BTBD9: variants seen among roughly 807,000 people sequenced by gnomAD.
BTBD9 encodes the protein BTB/POZ domain-containing protein 9.
BTBD9 carries 49 observed loss-of-function variants against 64.3 expected under a neutral mutation model. The ratio of observed to expected loss-of-function variants is 0.76; its 90% CI spans 0.61 to 0.97. The LOEUF is 0.97. Among genes scored for constraint, BTBD9 ranks in the 50% least tolerant of loss-of-function variants. The pLI, the probability that BTBD9 is intolerant of heterozygous loss-of-function variation, is 0.00. For synonymous variants in BTBD9, 260 were observed against 274.7 expected (o/e 0.95, Z 0.53); for missense variants, 598 against 762.1 (o/e 0.78, Z 2.53).
At chr6:38,334,421 G>A (rs1011306884) in intron 7 of BTBD9, among the ~76,000 whole-genome samples, 2 of 152,122 alleles carry the variant, frequency 1.3e-5, no homozygotes, top group Admixed American at 6.5e-5. Flanking sequence ...TTAGCCAGGC[G>A]TGGTGGTGCA....
In BTBD9 at chr6:38,280,299, A is replaced by T. The variant is rs1443300699; in HGVS notation, c.1454+7973T>A. On this transcript the variant is annotated intron_variant, in intron 8 of 10. Coordinates refer to ENST00000481247, the MANE Select transcript of BTBD9 (RefSeq NM_001099272.2). Reference sequence around the variant, plus strand: ...TTGCTGTATGATTTTTCTGGGAACCAGAGCTCTGAGGTCTGAGGGTGATAA... The same window carrying T: ...TTGCTGTATGATTTTTCTGGGAACCTGAGCTCTGAGGTCTGAGGGTGATAA... Among the ~76,000 whole-genome samples the T allele has an allele frequency of 7.9e-5, 12 of 152,306 alleles. No homozygotes were observed. In the East Asian group the frequency reaches 1.9e-3, roughly 24 times the overall value.
intron 6 of BTBD9, among the ~76,000 whole-genome samples, chr6:38,470,449 T>C (rs1230460499): frequency 6.6e-6 from 1 of 152,220 alleles, no homozygotes; most frequent in Non-Finnish European, 1.5e-5. Flanking sequence ...GACTGGATTA[T>C]AACTCAGGGA....
chr6:38,328,564 CGTGTGTGTGT>C (rs201357884), intron 7 of BTBD9, among the ~76,000 whole-genome samples: 1,561 of 130,472 alleles, frequency 0.012, 18 homozygotes, highest in African/African-American at 0.031. Flanking sequence ...TTTAAGCCAC[CGTGTGTGTGT>C]GTGTGTGTGT....
At chr6:38,271,462 T>TA (rs1765192760) in intron 8 of BTBD9, among the ~76,000 whole-genome samples, 1 of 152,226 alleles carries the variant, frequency 6.6e-6, no homozygotes, top group Admixed American at 6.5e-5. Context: ...ACTTCACTTT[T>TA]ACCTGTATGG....
intron 6 of BTBD9, among the ~76,000 whole-genome samples, chr6:38,554,198 A>G (rs1245708666): frequency 6.6e-6 from 1 of 152,208 alleles, no homozygotes; most frequent in Non-Finnish European, 1.5e-5. Context: ...GTCACACATC[A>G]TACTTTTGAG....
intron 10 of BTBD9, among the ~76,000 whole-genome samples, chr6:38,186,811 CCTGT>C (rs1462290649): frequency 1.3e-5 from 2 of 152,116 alleles, no homozygotes; most frequent in African/African-American, 2.4e-5. Flanking sequence ...GAGCAGAAAC[CCTGT>C]CTTTCTGAAT....
At chr6:38,357,426 C>T (rs550841008) in intron 6 of BTBD9, among the ~76,000 whole-genome samples, 9 of 152,138 alleles carry the variant, frequency 5.9e-5, no homozygotes, top group Admixed American at 5.9e-4. Flanking sequence ...AAAAGAAAAT[C>T]TCTTTACTGT....
At chr6:38,284,032 A>T (rs1214598161) in intron 8 of BTBD9, among the ~76,000 whole-genome samples, 1 of 152,222 alleles carries the variant, frequency 6.6e-6, no homozygotes, top group Non-Finnish European at 1.5e-5. Flanking sequence ...TGTCACAAGC[A>T]TTGGTGGCTA....
intron 7 of BTBD9, among the ~76,000 whole-genome samples, chr6:38,302,485 G>GTATATGTA (rs1554137023): frequency 1.9e-5 from 2 of 106,892 alleles, no homozygotes; most frequent in African/African-American, 3.5e-5. Flanking sequence ...TTGTGTGTAT[G>GTATATGTA]TATATATATA....
intron 6 of BTBD9, chr6:38,402,904 C>A: frequency 2.9e-6 from 2 of 687,050 alleles, no homozygotes; most frequent in Non-Finnish European, 5.3e-6. Flanking sequence ...TCCATCTCCA[C>A]TAAAATTAGA....
Position 38,395,291 on chromosome 6 carries a change from C to A in BTBD9, c.1155-50198G>T, listed in dbSNP as rs897715642. Reference sequence around the variant, plus strand: ...ACAAAAAAAAAATTTTTTTAATTAACAGGGCATGTTGGTTTGCACCTATAG... The same window carrying A: ...ACAAAAAAAAAATTTTTTTAATTAAAAGGGCATGTTGGTTTGCACCTATAG... On this transcript the variant is annotated intron_variant, in intron 6 of 10. Coordinates refer to ENST00000481247, the MANE Select transcript of BTBD9 (RefSeq NM_001099272.2). Among the ~76,000 whole-genome samples the A allele has an allele frequency of 3.9e-5, 6 of 152,132 alleles. No homozygotes were observed. The East Asian group carries it at 5.8e-4, about 15-fold the overall frequency.
At chr6:38,556,249 T>C (rs12198294) in intron 6 of BTBD9, among the ~76,000 whole-genome samples, 31,323 of 152,126 alleles carry the variant, frequency 0.21, 3,690 homozygotes, top group Non-Finnish European at 0.29. Context: ...CCTATCATCA[T>C]AGTATAAATA....
At position 38,363,354 on chromosome 6, in the gene BTBD9, T is replaced by A. The variant is rs180699747; in HGVS notation, c.1155-18261A>T. Among the ~76,000 whole-genome samples, 1,131 of 152,200 alleles carry A rather than the reference T, an allele frequency of 7.4e-3. 4 individuals carry two copies. The highest frequency in any genetic ancestry group is 0.017 in the Middle Eastern group (5 of 292). On this transcript the variant is annotated intron_variant, in intron 6 of 10. Transcript: ENST00000481247. Reference sequence around the variant, plus strand: ...AGGAGGACTGCTTGAGGCCAGGAGTTCAAGAACAGCCCTGGCAACATAGTG... The same window carrying A: ...AGGAGGACTGCTTGAGGCCAGGAGTACAAGAACAGCCCTGGCAACATAGTG...
intron 8 of BTBD9, among the ~76,000 whole-genome samples, chr6:38,274,415 T>C (rs1294681111): frequency 6.6e-6 from 1 of 152,072 alleles, no homozygotes; most frequent in Non-Finnish European, 1.5e-5. Flanking sequence ...TCCAACACTA[T>C]GTTGAATAGG....
intron 7 of BTBD9, among the ~76,000 whole-genome samples, chr6:38,329,428 C>G (rs952434386): frequency 5.3e-5 from 8 of 150,246 alleles, no homozygotes; most frequent in Non-Finnish European, 7.4e-5. Flanking sequence ...TTTCAAAAGA[C>G]TCTCCCACCT....
At chr6:38,497,334 T>C (rs1772001957) in intron 6 of BTBD9, among the ~76,000 whole-genome samples, 2 of 152,300 alleles carry the variant, frequency 1.3e-5, no homozygotes, top group African/African-American at 4.8e-5. Context: ...ATCTGAACTG[T>C]ATATTGATTT....
At chr6:38,266,108 C>T (rs747287856) in intron 8 of BTBD9, among the ~76,000 whole-genome samples, 3 of 152,224 alleles carry the variant, frequency 2.0e-5, no homozygotes, top group Non-Finnish European at 4.4e-5. Context: ...CTGCTTTCAA[C>T]GCAAATCTAT....
rs140868925 is a variant in BTBD9, at chr6:38,628,093, T to G, written c.-28+11707A>C. 1.5e-3 allele frequency among the ~76,000 whole-genome samples: 222 copies of G among 152,244 alleles called. 1 individual carries two copies. Among genetic ancestry groups the G allele is most frequent in the Non-Finnish European group, 2.5e-3 (168 of 68,018 alleles). On this transcript the variant is annotated intron_variant, in intron 1 of 10. Coordinates refer to ENST00000481247, the MANE Select transcript of BTBD9 (RefSeq NM_001099272.2). ...AGCAGATTATCTATCTGGGAGTGGGTAGGAACAAAGTAGAAGGGACAGAAG... is the reference window on the plus strand; with the variant it reads ...AGCAGATTATCTATCTGGGAGTGGGGAGGAACAAAGTAGAAGGGACAGAAG...
intron 7 of BTBD9, among the ~76,000 whole-genome samples, chr6:38,313,293 G>GT (rs1762910335): frequency 6.6e-6 from 1 of 152,076 alleles, no homozygotes; most frequent in Non-Finnish European, 1.5e-5. Context: ...GAGTCTTTAG[G>GT]TTTTTTCAAA....
Sources: gnomAD v4.1 joint callset for allele counts (sites outside exome capture counted in the v4.1 genomes callset) on GRCh38, gnomAD v4.1.1 for gene constraint, MANE v1.5 for transcripts, NCBI Gene and HGNC (gene_info 2026-07-23, HGNC 2026-07-21) for gene names.